EDIL3: variants seen among roughly 807,000 people sequenced by gnomAD.
The protein encoded by EDIL3 is EGF-like repeat and discoidin I-like domain-containing protein 3.
A neutral mutation model predicts 67.4 loss-of-function variants in EDIL3; 37 were observed. That is an observed-to-expected ratio of 0.55 (90% CI 0.42 to 0.72). The LOEUF is 0.72. EDIL3 is among the 30% of genes least tolerant of loss of function. The pLI is 0.00. For missense variants in EDIL3, 527 were observed against 586.3 expected, an observed-to-expected ratio of 0.90 and a Z score of 1.04; for synonymous variants, 195 against 196.3, an observed-to-expected ratio of 0.99 and a Z score of 0.05.
At chr5:83,943,607 T>C (rs1241384861) in intron 10 of EDIL3, 39 bp from the exon 11 acceptor site, 1 of 1,595,498 alleles carries the variant, frequency 6.3e-7, no homozygotes, top group South Asian at 1.1e-5. Context: ...TCACACAGCC[T>C]TCTTTCTTTG....
intron 2 of EDIL3, among the ~76,000 whole-genome samples, chr5:84,251,407 G>A (rs945114963): frequency 4.7e-5 from 7 of 150,190 alleles, no homozygotes; most frequent in East Asian, 3.9e-4. Context: ...GAGCCACCAC[G>A]CCCGGCCTTT....
intron 6 of EDIL3, among the ~76,000 whole-genome samples, chr5:84,086,601 A>G (rs1367996152): frequency 2.0e-5 from 3 of 152,154 alleles, no homozygotes; most frequent in Non-Finnish European, 4.4e-5. Flanking sequence ...CTATTCGGCC[A>G]TCTTGGCCCC....
Position 84,137,358 on chromosome 5 carries a change from A to G in EDIL3, c.356-4T>C. 2 of 1,608,852 alleles carry G rather than the reference A, an allele frequency of 1.2e-6. No homozygotes were observed. On this transcript the variant is annotated splice_polypyrimidine_tract_variant and splice_region_variant and intron_variant, in intron 4 of 10. Transcript: ENST00000296591. Reference sequence around the variant, plus strand: ...TCAACTTCGCATTCATTTATGTCTAAGAAAAACAGAAAGGACAGAGGAAGA... The same window carrying G: ...TCAACTTCGCATTCATTTATGTCTAGGAAAAACAGAAAGGACAGAGGAAGA...
At chr5:84,327,789 A>G (rs1746793977) in intron 1 of EDIL3, among the ~76,000 whole-genome samples, 1 of 152,020 alleles carries the variant, frequency 6.6e-6, no homozygotes. Context: ...AGGGAAGATG[A>G]CTCATGATTA....
At chr5:84,293,169 C>T (rs1377972786) in intron 1 of EDIL3, among the ~76,000 whole-genome samples, 2 of 152,178 alleles carry the variant, frequency 1.3e-5, no homozygotes, top group Admixed American at 6.5e-5. Flanking sequence ...GCTGCCAGTA[C>T]TTAGATTTAT....
At chr5:84,260,473 C>G (rs769285681) in intron 1 of EDIL3, among the ~76,000 whole-genome samples, 7 of 152,094 alleles carry the variant, frequency 4.6e-5, no homozygotes, top group Non-Finnish European at 1.0e-4. Flanking sequence ...ATTTAAAGCC[C>G]AACATTTGAT....
chr5:84,227,688 G>A (rs961734243), intron 3 of EDIL3, among the ~76,000 whole-genome samples: 7 of 151,976 alleles, frequency 4.6e-5, no homozygotes, highest in African/African-American at 1.7e-4. Context: ...ATGTGCTAAT[G>A]GTGGATTGGA....
chr5:84,105,410 A>G (rs1189102917), intron 6 of EDIL3, among the ~76,000 whole-genome samples: 1 of 152,098 alleles, frequency 6.6e-6, no homozygotes, highest in Non-Finnish European at 1.5e-5. Flanking sequence ...CTGAACAAAG[A>G]AAGTATCTGA....
chr5:83,964,007 A>C (rs1407519546), intron 9 of EDIL3, among the ~76,000 whole-genome samples: 1 of 151,868 alleles, frequency 6.6e-6, no homozygotes, highest in African/African-American at 2.4e-5. Context: ...AGAAGGATTA[A>C]ATATATGCAT....
At chr5:84,146,679 C>T (rs1748294227) in intron 4 of EDIL3, among the ~76,000 whole-genome samples, 1 of 152,042 alleles carries the variant, frequency 6.6e-6, no homozygotes, top group Non-Finnish European at 1.5e-5. Context: ...AATCCACAAC[C>T]ACTTGCTTAT....
At chr5:84,271,793 T>C (rs1392927891) in intron 1 of EDIL3, among the ~76,000 whole-genome samples, 1 of 152,092 alleles carries the variant, frequency 6.6e-6, no homozygotes, top group Non-Finnish European at 1.5e-5. Context: ...TGTGATAAAA[T>C]CTAAAAGCAT....
chr5:84,283,793 C>T (rs1225667649), intron 1 of EDIL3, among the ~76,000 whole-genome samples: 1 of 151,984 alleles, frequency 6.6e-6, no homozygotes, highest in African/African-American at 2.4e-5. Flanking sequence ...GTTTTGTTTG[C>T]CCACCAGGTA....
intron 9 of EDIL3, among the ~76,000 whole-genome samples, chr5:84,037,679 C>T (rs1480770006): frequency 6.6e-6 from 1 of 152,096 alleles, no homozygotes; most frequent in African/African-American, 2.4e-5. Flanking sequence ...TAAGCAAACA[C>T]TGTTAAATGC....
intron 3 of EDIL3, among the ~76,000 whole-genome samples, chr5:84,181,561 T>C (rs1749013297): frequency 6.6e-6 from 1 of 152,232 alleles, no homozygotes; most frequent in African/African-American, 2.4e-5. Flanking sequence ...ACAGGCTATG[T>C]CACGGTCTGT....
intron 4 of EDIL3, among the ~76,000 whole-genome samples, chr5:84,154,693 C>CTTT (rs397881707): frequency 0.013 from 1,194 of 92,274 alleles, 44 homozygotes; most frequent in African/African-American, 0.047. Context: ...TCTGCTTCTG[C>CTTT]TTTTTTTTTT....
intron 5 of EDIL3, among the ~76,000 whole-genome samples, chr5:84,132,248 G>GA (rs201196882): frequency 8.3e-6 from 1 of 120,508 alleles, no homozygotes; most frequent in East Asian, 2.3e-4. Context: ...TAAAAAAAAA[G>GA]AAAAAATATA....
At chr5:84,322,942 A>G (rs568157206) in intron 1 of EDIL3, among the ~76,000 whole-genome samples, 99 of 152,118 alleles carry the variant, frequency 6.5e-4, no homozygotes, top group African/African-American at 1.0e-3. Flanking sequence ...AAAAATGTCA[A>G]TCAAGAATCC....
chr5:84,230,403 G>A (rs1229703870), intron 2 of EDIL3, among the ~76,000 whole-genome samples: 2 of 151,348 alleles, frequency 1.3e-5, no homozygotes, highest in Non-Finnish European at 2.9e-5. Context: ...AATCACTTTG[G>A]ACTTTTCTTT....
At chr5:84,160,933 T>C (rs889843245) in intron 4 of EDIL3, among the ~76,000 whole-genome samples, 1 of 151,802 alleles carries the variant, frequency 6.6e-6, no homozygotes, top group African/African-American at 2.4e-5. Context: ...TTTCTGAGAT[T>C]TGGTGCACCC....
Sources: allele counts gnomAD v4.1 joint callset (sites outside exome capture counted in the v4.1 genomes callset), GRCh38; gene constraint gnomAD v4.1.1; transcripts MANE v1.5; gene names NCBI Gene and HGNC (gene_info 2026-07-23, HGNC 2026-07-21).